The following KAZN variants were observed in gnomAD, a reference collection of about 807,000 sequenced individuals.
KAZN encodes kazrin, periplakin interacting protein, also known as kazrin.
A neutral mutation model predicts 87.4 loss-of-function variants in KAZN; 40 were observed. The observed-to-expected ratio is 0.46, with a 90% CI of 0.36 to 0.60. KAZN has a LOEUF of 0.60. Ranked by LOEUF, KAZN falls within the 20% of genes least tolerant of loss-of-function variation. The pLI, the probability that KAZN is intolerant of heterozygous loss-of-function variation, is 0.00. For missense variants in KAZN, 898 were observed against 1,073.9 expected, an observed-to-expected ratio of 0.84 and a Z score of 2.29; for synonymous variants, 466 against 458.3, an observed-to-expected ratio of 1.02 and a Z score of -0.22.
chr1:14,418,898 G>A (rs1665082414), intron 2 of KAZN, among the ~76,000 whole-genome samples: 1 of 152,322 alleles, frequency 6.6e-6, no homozygotes, highest in East Asian at 1.9e-4. Context: ...TTCTGCATCT[G>A]CAGAAATGAT....
chr1:14,150,961 G>A (rs1299415050), intron 1 of KAZN, among the ~76,000 whole-genome samples: 1 of 145,260 alleles, frequency 6.9e-6, no homozygotes, highest in Non-Finnish European at 1.5e-5. Flanking sequence ...TGCTAACATT[G>A]TCATACACAC....
intron 2 of KAZN, among the ~76,000 whole-genome samples, chr1:14,490,484 T>TTTG (rs1669587749): frequency 6.6e-6 from 1 of 151,862 alleles, no homozygotes; most frequent in Non-Finnish European, 1.5e-5. Context: ...TTGTTTGTTT[T>TTTG]TTTGGTTTGT....
At chr1:14,412,078 T>C (rs1415345092) in intron 2 of KAZN, among the ~76,000 whole-genome samples, 1 of 152,184 alleles carries the variant, frequency 6.6e-6, no homozygotes, top group Non-Finnish European at 1.5e-5. Flanking sequence ...CTCTTTCCTG[T>C]AACTTGATGT....
chr1:14,990,694 C>G (rs1210064112), intron 2 of KAZN, among the ~76,000 whole-genome samples: 1 of 151,754 alleles, frequency 6.6e-6, no homozygotes, highest in Non-Finnish European at 1.5e-5. Context: ...TGCCACCCTC[C>G]CTGCTCTGGA....
chr1:14,247,294 G>C lies in KAZN; in HGVS notation c.249+66702G>C, dbSNP rs147561770. The stretch of plus-strand genomic sequence containing the variant: ...AGTTAAAAATCAAGGTAATTTTAAG[G>C]TCAGAAAAACAAGCTATCTGGGGGA... On this transcript the variant is annotated intron_variant, in intron 2 of 16. Coordinates refer to the KAZN transcript ENST00000636203. Among the ~76,000 whole-genome samples the C allele has an allele frequency of 1.1e-4, 17 of 152,196 alleles. No individual in the cohort carries two copies. The East Asian group carries it at 1.7e-3, about 16-fold the overall frequency.
chr1:14,504,489 G>A (rs895608397), intron 2 of KAZN, among the ~76,000 whole-genome samples: 4 of 152,148 alleles, frequency 2.6e-5, no homozygotes, highest in Non-Finnish European at 2.9e-5. Context: ...AGTTCTCGTC[G>A]GCAAACTGAA....
At chr1:14,349,803 C>G (rs561593546) in intron 2 of KAZN, among the ~76,000 whole-genome samples, 2 of 152,194 alleles carry the variant, frequency 1.3e-5, no homozygotes, top group African/African-American at 4.8e-5. Context: ...GAGCATGGAT[C>G]TGGTAGAGTA....
At chr1:14,019,865 T>C (rs1449372512) in intron 1 of KAZN, among the ~76,000 whole-genome samples, 1 of 152,170 alleles carries the variant, frequency 6.6e-6, no homozygotes, top group Non-Finnish European at 1.5e-5. Context: ...TTTCCATGGA[T>C]GGCTGTCGGG....
At chr1:14,937,705 G>A (rs1235154127) in intron 1 of KAZN, among the ~76,000 whole-genome samples, 5 of 152,232 alleles carry the variant, frequency 3.3e-5, no homozygotes, top group African/African-American at 4.8e-5. Context: ...AGCTGAGCAC[G>A]CTGAGGTCAG....
intron 1 of KAZN, among the ~76,000 whole-genome samples, chr1:14,017,474 C>G (rs1159030686): frequency 1.3e-5 from 2 of 152,184 alleles, no homozygotes; most frequent in African/African-American, 4.8e-5. Flanking sequence ...TTGTTCTTTT[C>G]TATGACCCAG....
At chr1:14,365,380 G>A (rs28698594) in intron 2 of KAZN, among the ~76,000 whole-genome samples, 12 of 135,996 alleles carry the variant, frequency 8.8e-5, no homozygotes, top group African/African-American at 2.5e-4. Flanking sequence ...GGGGGGGGGG[G>A]GGTCTTTCAA....
chr1:14,943,010 GTGTGTGTGTGTGTGTGT>G (rs1661292210), intron 1 of KAZN, among the ~76,000 whole-genome samples: 60 of 76,624 alleles, frequency 7.8e-4, no homozygotes, highest in East Asian at 2.1e-3. Flanking sequence ...TGTGTGTGGT[GTGTGTGTGTGTGTGTGT>G]GTGTGTGTGT....
At chr1:14,806,111 A>G (rs963993414) in intron 1 of KAZN, among the ~76,000 whole-genome samples, 1 of 152,174 alleles carries the variant, frequency 6.6e-6, no homozygotes, top group African/African-American at 2.4e-5. Context: ...CTTTTCCACC[A>G]GGGCCCTGGG....
intron 2 of KAZN, among the ~76,000 whole-genome samples, chr1:14,272,209 C>G (rs1651999390): frequency 6.6e-6 from 1 of 152,184 alleles, no homozygotes; most frequent in Non-Finnish European, 1.5e-5. Flanking sequence ...GCTGGCTGAT[C>G]TAGGCTGGGT....
chr1:14,549,117 T>A (rs1673346711), intron 2 of KAZN, among the ~76,000 whole-genome samples: 1 of 152,246 alleles, frequency 6.6e-6, no homozygotes, highest in South Asian at 2.1e-4. Context: ...CTGATTTCAC[T>A]TATTAATTCT....
At chr1:14,906,655 A>AAT (rs1360061111) in intron 1 of KAZN, among the ~76,000 whole-genome samples, 1 of 151,766 alleles carries the variant, frequency 6.6e-6, no homozygotes, top group African/African-American at 2.4e-5. Flanking sequence ...GATCTGTTGA[A>AAT]ATAAGCAAGT....
At chr1:13,935,862 ATGTGTG>A (rs143281844) in intron 1 of KAZN, among the ~76,000 whole-genome samples, 31,938 of 124,016 alleles carry the variant, frequency 0.26, 3,632 homozygotes, top group South Asian at 0.36. Context: ...TTACATCCTA[ATGTGTG>A]TGTGTGTGTG....
rs1638309515 is a variant in KAZN at position 15,056,652 on chromosome 1, A to G, written c.916+372A>G. Among the ~76,000 whole-genome samples the G allele has an allele frequency of 6.6e-6, 1 of 152,210 alleles. No individual in the cohort carries two copies. Among genetic ancestry groups the G allele is most frequent in the Non-Finnish European group, 1.5e-5 (1 of 68,040 alleles). The stretch of plus-strand genomic sequence containing the variant: ...AAACTATCTCTTTCCCCCTGTGTCC[A>G]TAGCAAATCCCAAAGAAAGACTCTG... On this transcript the variant is annotated intron_variant, in intron 5 of 14. Transcript: ENST00000376030. This position sits in a 1 kb window ranked among gnomAD's most constrained non-coding sequence, Gnocchi z 5.4.
chr1:14,415,799 C>T (rs540233924), intron 2 of KAZN, among the ~76,000 whole-genome samples: 6 of 152,210 alleles, frequency 3.9e-5, no homozygotes, highest in African/African-American at 7.2e-5. Flanking sequence ...GTATTAGCCC[C>T]GCTTCCCCCA....
Sources: gnomAD v4.1 joint callset for allele counts (sites outside exome capture counted in the v4.1 genomes callset) on GRCh38, gnomAD v4.1.1 for gene constraint, Gnocchi (gnomAD v3.1) non-coding constraint, MANE v1.5 for transcripts, NCBI Gene and HGNC (gene_info 2026-07-23, HGNC 2026-07-21) for gene names.